OPCML: variants seen among roughly 807,000 people sequenced by gnomAD.
OPCML encodes the protein opioid binding protein/cell adhesion molecule like, also known as opioid-binding protein/cell adhesion molecule.
OPCML carries 13 observed loss-of-function variants against 37.8 expected under a neutral mutation model. The observed-to-expected ratio is 0.34, with a 90% CI of 0.22 to 0.55. The LOEUF (loss-of-function observed/expected upper bound fraction) is 0.55. Ranked by LOEUF, OPCML falls within the 20% of genes least tolerant of loss-of-function variation. OPCML has a pLI of 0.91. For missense variants in OPCML, 341 were observed against 435.6 expected (o/e 0.78, Z 1.93); for synonymous variants, 176 against 168.8 (o/e 1.04, Z -0.33).
rs749999618 is a variant in OPCML, at chr11:132,416,399, G to T, written c.*3794C>A. ...TCAATGTACAGCCACTCCTGATGCCGCCACAGGGATAAGCTCTCGTCGGGG... is the reference window on the plus strand; with the variant it reads ...TCAATGTACAGCCACTCCTGATGCCTCCACAGGGATAAGCTCTCGTCGGGG... On this transcript the variant is annotated 3_prime_UTR_variant, in exon 8 of 8. Coordinates refer to ENST00000524381, the MANE Select transcript of OPCML (RefSeq NM_001012393.5). The T allele has an allele frequency of 2.0e-5, 3 of 152,176 alleles. No homozygotes were observed. The highest frequency in any genetic ancestry group is 7.2e-5 in the African/African-American group (3 of 41,446). The allele number at this position is 152,176 out of a possible 1,614,324, so 9.4% of individuals were successfully genotyped here.
chr11:133,340,644 G>T (rs980512462), intron 1 of OPCML, among the ~76,000 whole-genome samples: 155 of 147,942 alleles, frequency 1.0e-3, no homozygotes, highest in African/African-American at 3.7e-3. Context: ...GTGTGTGTGT[G>T]TGTGTAAGAG....
chr11:133,111,403 C>T (rs572277039), intron 1 of OPCML, among the ~76,000 whole-genome samples: 1 of 152,106 alleles, frequency 6.6e-6, no homozygotes. Context: ...AGAGCTTTTC[C>T]AAGATCACAC....
chr11:132,497,741 T>C (rs2096235987), intron 4 of OPCML, among the ~76,000 whole-genome samples: 1 of 152,086 alleles, frequency 6.6e-6, no homozygotes, highest in Admixed American at 6.5e-5. Flanking sequence ...GTCAGGAAGG[T>C]GACCAGGCCA....
chr11:132,804,242 G>A (rs568008603), intron 2 of OPCML, among the ~76,000 whole-genome samples: 81 of 152,264 alleles, frequency 5.3e-4, no homozygotes, highest in African/African-American at 1.9e-3. Context: ...TCTACCTGGA[G>A]ACAGTTTCCC....
At chr11:132,818,616 A>AGAT (rs201949348) in intron 2 of OPCML, among the ~76,000 whole-genome samples, 47,447 of 136,280 alleles carry the variant, frequency 0.35, 8,693 homozygotes, top group East Asian at 0.55. Flanking sequence ...GATGATAGAT[A>AGAT]GATAGATAAA....
At chr11:132,769,668 G>A (rs892115267) in intron 2 of OPCML, among the ~76,000 whole-genome samples, 11 of 152,142 alleles carry the variant, frequency 7.2e-5, no homozygotes, top group African/African-American at 1.7e-4. Context: ...ATGTAAAGGC[G>A]GGGTGGAAAG....
rs553851564 is a variant in OPCML, at chr11:133,006,841, G to T, written c.62-63831C>A. 9.1e-6 allele frequency: 9 copies of T among 985,432 alleles called. No homozygotes were observed. The South Asian group carries it at 4.2e-4, about 46-fold the overall frequency. 61.0% of individuals were successfully genotyped at this position (985,432 alleles called of 1,614,324 possible). On this transcript the variant is annotated intron_variant, in intron 1 of 7. Transcript: ENST00000524381. The stretch of plus-strand genomic sequence containing the variant: ...TGACACCAGGGTAACTGGGCATGAA[G>T]TGCTGGCCAGGAAGGTTATATCAGA...
intron 1 of OPCML, among the ~76,000 whole-genome samples, chr11:133,455,793 T>C (rs1010926492): frequency 3.3e-5 from 5 of 152,122 alleles, no homozygotes; most frequent in Admixed American, 1.3e-4. Flanking sequence ...CTCTGAAAAC[T>C]AGTCAAAGAT....
At chr11:132,448,728 C>T (rs1245686868) in intron 4 of OPCML, among the ~76,000 whole-genome samples, 1 of 152,176 alleles carries the variant, frequency 6.6e-6, no homozygotes, top group African/African-American at 2.4e-5. Flanking sequence ...CTTTATATGA[C>T]CTTCTGTGAC....
intron 2 of OPCML, among the ~76,000 whole-genome samples, chr11:132,816,769 A>G (rs1939663157): frequency 6.6e-6 from 1 of 152,178 alleles, no homozygotes; most frequent in Admixed American, 6.5e-5. Flanking sequence ...TCATTTTAGG[A>G]TAGAGATAAC....
At chr11:132,625,976 A>G (rs1417834809) in intron 3 of OPCML, among the ~76,000 whole-genome samples, 2 of 152,006 alleles carry the variant, frequency 1.3e-5, no homozygotes, top group Admixed American at 6.6e-5. Flanking sequence ...TGTTTGAATC[A>G]TATGTTTAAA....
At chr11:133,328,887 C>T (rs1943546728) in intron 1 of OPCML, among the ~76,000 whole-genome samples, 1 of 152,150 alleles carries the variant, frequency 6.6e-6, no homozygotes, top group South Asian at 2.1e-4. Context: ...AAGAGGAAGT[C>T]AAATTGTCCC....
chr11:132,505,423 G>T (rs2096254632), intron 4 of OPCML, among the ~76,000 whole-genome samples: 1 of 152,080 alleles, frequency 6.6e-6, no homozygotes, highest in Non-Finnish European at 1.5e-5. Flanking sequence ...AAAAAAATCG[G>T]CTTCCAGAAC....
At chr11:132,521,593 A>G (rs1290776954) in intron 4 of OPCML, among the ~76,000 whole-genome samples, 1 of 151,600 alleles carries the variant, frequency 6.6e-6, no homozygotes. Context: ...AACAATACAC[A>G]CTGGGGCTTG....
At chr11:133,435,389 A>C (rs1192411810) in intron 1 of OPCML, among the ~76,000 whole-genome samples, 1 of 152,150 alleles carries the variant, frequency 6.6e-6, no homozygotes, top group East Asian at 1.9e-4. Flanking sequence ...TAGGCATTTC[A>C]TTTGTTGAAA....
intron 1 of OPCML, among the ~76,000 whole-genome samples, chr11:133,028,182 C>G (rs1947599482): frequency 6.6e-6 from 1 of 151,890 alleles, no homozygotes; most frequent in African/African-American, 2.4e-5. Context: ...TTAGGCACCA[C>G]TCATTGCAAT....
intron 2 of OPCML, among the ~76,000 whole-genome samples, chr11:132,905,778 CTTAGA>C (rs1386806028): frequency 6.6e-6 from 1 of 151,920 alleles, no homozygotes; most frequent in Admixed American, 6.6e-5. Context: ...CCAGTATAAG[CTTAGA>C]TAAGTTATCA....
intron 4 of OPCML, among the ~76,000 whole-genome samples, chr11:132,466,127 T>C (rs2096118718): frequency 2.0e-5 from 3 of 152,174 alleles, no homozygotes; most frequent in Admixed American, 2.0e-4. Context: ...GAATGTCTCC[T>C]GATAGAAGAC....
chr11:133,128,623 G>T (rs1212918138), intron 1 of OPCML, among the ~76,000 whole-genome samples: 2 of 152,192 alleles, frequency 1.3e-5, no homozygotes, highest in Admixed American at 6.5e-5. Flanking sequence ...AGGAGCCTCA[G>T]ATGCCATAGC....
Sources: gnomAD v4.1 joint callset for allele counts (sites outside exome capture counted in the v4.1 genomes callset) on GRCh38, gnomAD v4.1.1 for gene constraint, MANE v1.5 for transcripts, NCBI Gene and HGNC (gene_info 2026-07-23, HGNC 2026-07-21) for gene names.